HECTD4: variants seen among roughly 807,000 people sequenced by gnomAD.
HECTD4 encodes the protein HECT domain E3 ubiquitin protein ligase 4, also known as probable E3 ubiquitin-protein ligase HECTD4.
A neutral mutation model predicts 471.5 loss-of-function variants in HECTD4; 114 were observed. That is an observed-to-expected ratio of 0.24 (90% CI 0.21 to 0.28). The LOEUF (loss-of-function observed/expected upper bound fraction) is 0.28. HECTD4 is among the 10% of genes least tolerant of loss of function. The probability of loss-of-function intolerance (pLI) is 1.00; values close to 1 mark genes in which losing one functional copy is unlikely to be tolerated. For synonymous variants in HECTD4, 2,012 were observed against 2,256.0 expected (o/e 0.89, Z 3.07); for missense variants, 3,866 against 5,651.5 (o/e 0.68, Z 10.13).
intron 6 of HECTD4, among the ~76,000 whole-genome samples, chr12:112,307,944 A>G (rs1166288122): frequency 6.6e-6 from 1 of 152,246 alleles, no homozygotes; most frequent in African/African-American, 2.4e-5. Context: ...TCTGAGCTGT[A>G]TTCTTACACT....
In HECTD4 at chr12:112,213,204, C is replaced by T. The variant is rs953028856; in HGVS notation, c.7466-554G>A. Reference sequence around the variant, plus strand: ...CTAGTGTCTGTGTTAAATTAGTTACCGCAATTACATATTAAATTTAGCCTT... The same window carrying T: ...CTAGTGTCTGTGTTAAATTAGTTACTGCAATTACATATTAAATTTAGCCTT... On this transcript the variant is annotated intron_variant, in intron 48 of 75. Coordinates refer to ENST00000682272, the MANE Select transcript of HECTD4 (RefSeq NM_001388303.1). The surrounding 1 kb of genome is among the most constrained non-coding windows in gnomAD (Gnocchi z 4.0). 7.2e-5 allele frequency among the ~76,000 whole-genome samples: 11 copies of T among 151,908 alleles called. No individual in the cohort carries two copies. In the East Asian group the frequency reaches 1.3e-3, roughly 19 times the overall value.
intron 49 of HECTD4, among the ~76,000 whole-genome samples, 156 bp from the exon 50 acceptor site, chr12:112,210,408 C>T (rs1276108957): frequency 6.6e-6 from 1 of 152,202 alleles, no homozygotes; most frequent in Admixed American, 6.5e-5. Flanking sequence ...GGACTGAGCA[C>T]ACCTGTGCTC....
intron 1 of HECTD4, among the ~76,000 whole-genome samples, chr12:112,342,447 A>T (rs1439118334): frequency 6.6e-6 from 1 of 152,168 alleles, no homozygotes; most frequent in African/African-American, 2.4e-5. Context: ...ACAGAGTAAG[A>T]CCCTGTCTAT....
At chr12:112,269,358 G>A (rs918584830) in intron 13 of HECTD4, among the ~76,000 whole-genome samples, 8 of 152,108 alleles carry the variant, frequency 5.3e-5, no homozygotes, top group African/African-American at 1.9e-4. Context: ...CTAGAACCCA[G>A]GTCTGCCTGT....
chr12:112,218,751 T>C (rs1234290818), intron 45 of HECTD4, among the ~76,000 whole-genome samples: 3 of 152,164 alleles, frequency 2.0e-5, no homozygotes, highest in Non-Finnish European at 4.4e-5. Context: ...CTCTTTTTTT[T>C]TTGGACAGAG....
intron 1 of HECTD4, among the ~76,000 whole-genome samples, chr12:112,374,537 C>T (rs959332672): frequency 6.6e-6 from 1 of 152,202 alleles, no homozygotes; most frequent in African/African-American, 2.4e-5. Flanking sequence ...CCCAAGCTCA[C>T]AGAATACTGC....
chr12:112,179,325 G>C lies in HECTD4; in HGVS notation c.11060C>G (p.Thr3687Arg), dbSNP rs758453000. ...IFKSCAHSEQ[T>R]LSLTPAKPIR... ...GGGCTTCGCTGGTGTCAGGCTCAGC[G>C]TCTGCTCTGAATGGGCACAACTCTT... The change falls in exon 63 of 76, where the codon ACG (threonine) becomes AGG (arginine). Residue 3687 changes from threonine (T) to arginine (R), a missense_variant. This residue lies in a region of HECTD4 where 715 missense variants were observed against 1,087.6 expected (regional missense o/e 0.66). Transcript: ENST00000682272. The surrounding 1 kb of genome is among the most constrained non-coding windows in gnomAD (Gnocchi z 4.3). 1 of 1,613,358 alleles carries C rather than the reference G, an allele frequency of 6.2e-7. No individual in the cohort carries two copies. Among genetic ancestry groups the C allele is most frequent in the Non-Finnish European group, 8.5e-7 (1 of 1,179,640 alleles).
chr12:112,258,350 A>G, intron 20 of HECTD4, 146 bp downstream of exon 20: 1 of 527,506 alleles, frequency 1.9e-6, no homozygotes, highest in Middle Eastern at 2.8e-4. Context: ...AAGCAATGCT[A>G]CAGTTATCTA....
At chr12:112,169,467 C>T (rs368498585) in intron 70 of HECTD4, 36 bp downstream of exon 70, 102 of 1,572,838 alleles carry the variant, frequency 6.5e-5, no homozygotes, top group Admixed American at 1.8e-4. Context: ...CTAAACACAG[C>T]TCCTCCAGCG....
At chr12:112,322,377 G>GA (rs1338343541) in intron 1 of HECTD4, 36 of 142,472 alleles carry the variant, frequency 2.5e-4, no homozygotes, top group Middle Eastern at 3.6e-3. Context: ...TCTCAAAAAA[G>GA]AAAAAAAAAA....
chr12:112,252,588 G>T (rs372079538), intron 22 of HECTD4, 60 bp from the exon 23 acceptor site: 644 of 1,562,016 alleles, frequency 4.1e-4, no homozygotes, highest in Non-Finnish European at 4.9e-4. Context: ...AATTTCAAAA[G>T]AGCAATGAAT....
intron 6 of HECTD4, 40 bp downstream of exon 6, chr12:112,308,713 T>C (rs1025029662): frequency 3.3e-6 from 5 of 1,504,120 alleles, no homozygotes; most frequent in Non-Finnish European, 4.4e-6. Flanking sequence ...CTTTATTGCC[T>C]CTAAAATATG....
chr12:112,291,891 T>A (rs566596085), intron 7 of HECTD4, among the ~76,000 whole-genome samples: 1 of 152,168 alleles, frequency 6.6e-6, no homozygotes, highest in South Asian at 2.1e-4. Context: ...AAAAAAATAC[T>A]TTTTACAGTT....
At chr12:112,363,992 CAA>C (rs1175386198) in intron 1 of HECTD4, among the ~76,000 whole-genome samples, 3 of 52,858 alleles carry the variant, frequency 5.7e-5, no homozygotes, top group Admixed American at 2.5e-4. Context: ...ACTCAATCTC[CAA>C]AAAAAAAAAA....
chr12:112,363,244 G>A (rs1046915291), intron 1 of HECTD4, among the ~76,000 whole-genome samples: 1 of 151,512 alleles, frequency 6.6e-6, no homozygotes, highest in Admixed American at 6.6e-5. Flanking sequence ...TTATATATGT[G>A]TGTATACACA....
chr12:112,170,022 C>A, intron 69 of HECTD4: 1 of 537,016 alleles, frequency 1.9e-6, no homozygotes, highest in Non-Finnish European at 3.4e-6. Context: ...TCCCCAGTGA[C>A]CTTCTCTCCC....
At chr12:112,351,494 A>C (rs2036247736) in intron 1 of HECTD4, among the ~76,000 whole-genome samples, 2 of 152,248 alleles carry the variant, frequency 1.3e-5, no homozygotes, top group African/African-American at 2.4e-5. Context: ...GTAGAAAACC[A>C]GGCCAGTGGT....
chr12:112,185,060 G>A lies in HECTD4; in HGVS notation c.9906C>T (p.Thr3302=). 1 of 1,588,508 alleles carries A rather than the reference G, an allele frequency of 6.3e-7. No homozygotes were observed. The highest frequency in any genetic ancestry group is 8.6e-7 in the Non-Finnish European group (1 of 1,167,372). ...SSSSSSSPGQ[T]PQSPSLLSKR... ...TGGAGAGGAGGCTGGGACTCTGTGGGGTCTGTCCTGGGGAGGACGAGGAGG... is the reference window on the plus strand; with the variant it reads ...TGGAGAGGAGGCTGGGACTCTGTGGAGTCTGTCCTGGGGAGGACGAGGAGG... Residue 3302 remains threonine (T), a synonymous_variant, in exon 61 of 76, where the codon ACC becomes ACT. Transcript: ENST00000682272.
rs889753221 is a variant in HECTD4 at position 112,167,318 on chromosome 12, C to T, written c.12533G>A (p.Ser4178Asn). Residue 4178 changes from serine (S) to asparagine (N), a missense_variant and splice_region_variant, in exon 72 of 76, where the codon AGC becomes AAC. Physicochemically the swap from Ser to Asn is conservative, Grantham distance 46. Transcript: ENST00000682272. ...LTYNYVKKFESINDETELEAL... is the reference protein window; with the variant it reads ...LTYNYVKKFENINDETELEAL... The stretch of plus-strand genomic sequence containing the variant: ...CCCAGAACTGTGCCTTGCACTCACG[C>T]TCTCAAACTTCTTGACGTAATTGTA... The T allele has an allele frequency of 6.2e-7, 1 of 1,608,982 alleles. No homozygotes were observed. The highest frequency in any genetic ancestry group is 8.5e-7 in the Non-Finnish European group (1 of 1,176,824).
Sources: allele counts gnomAD v4.1 joint callset (sites outside exome capture counted in the v4.1 genomes callset), GRCh38; gene constraint gnomAD v4.1.1; regional missense constraint gnomAD v4.1.1; non-coding constraint Gnocchi (gnomAD v3.1); transcripts MANE v1.5; gene names NCBI Gene and HGNC (gene_info 2026-07-23, HGNC 2026-07-21).